The following FOXN3 variants were observed in gnomAD, a reference collection of about 807,000 sequenced individuals.
The protein encoded by FOXN3 is forkhead box protein N3.
FOXN3 carries 7 observed loss-of-function variants against 38.4 expected under a neutral mutation model. That is an observed-to-expected ratio of 0.18 (90% CI 0.10 to 0.34). FOXN3 has a LOEUF of 0.34. Ranked by LOEUF, FOXN3 falls within the 10% of genes least tolerant of loss-of-function variation. FOXN3 has a pLI of 1.00. For synonymous variants in FOXN3, 230 were observed against 242.2 expected, an observed-to-expected ratio of 0.95 and a Z score of 0.47; for missense variants, 456 against 613.4, an observed-to-expected ratio of 0.74 and a Z score of 2.71.
intron 4 of FOXN3, among the ~76,000 whole-genome samples, chr14:89,266,520 ACAGT>A (rs1885985438): frequency 6.6e-6 from 1 of 152,096 alleles, no homozygotes; most frequent in Non-Finnish European, 1.5e-5. Flanking sequence ...TCAGTCCATA[ACAGT>A]AAGTTACATG....
intron 1 of FOXN3, among the ~76,000 whole-genome samples, chr14:89,441,534 C>T (rs750974912): frequency 2.0e-4 from 31 of 152,158 alleles, no homozygotes; most frequent in African/African-American, 3.9e-4. Context: ...TCATTACAGG[C>T]GCTCTTAATC....
intron 1 of FOXN3, among the ~76,000 whole-genome samples, chr14:89,439,120 A>G (rs1227203337): frequency 6.6e-6 from 1 of 152,136 alleles, no homozygotes; most frequent in African/African-American, 2.4e-5. Flanking sequence ...CAGGCCACAC[A>G]AAGCCTGCAT....
At chr14:89,369,262 C>G (rs1007572068) in intron 2 of FOXN3, among the ~76,000 whole-genome samples, 54 of 152,284 alleles carry the variant, frequency 3.5e-4, no homozygotes, top group African/African-American at 1.3e-3. Flanking sequence ...GCTGAGTCAC[C>G]TGGCCTAAGT....
intron 1 of FOXN3, among the ~76,000 whole-genome samples, chr14:89,582,487 C>CTTTTT (rs57273137): frequency 1.2e-5 from 1 of 86,750 alleles, no homozygotes; most frequent in Non-Finnish European, 2.5e-5. Flanking sequence ...TTAAACTCAC[C>CTTTTT]TTTTTTTTTT....
At chr14:89,567,872 G>A (rs370279319) in intron 1 of FOXN3, among the ~76,000 whole-genome samples, 3 of 151,952 alleles carry the variant, frequency 2.0e-5, no homozygotes, top group African/African-American at 7.2e-5. Flanking sequence ...ACAGGTGCCC[G>A]CCACTACGCC....
At chr14:89,609,038 C>T (rs893224338) in intron 1 of FOXN3, among the ~76,000 whole-genome samples, 1 of 152,064 alleles carries the variant, frequency 6.6e-6, no homozygotes, top group Non-Finnish European at 1.5e-5. Context: ...ACAAGATGTA[C>T]AAAGGCTGGG....
intron 4 of FOXN3, among the ~76,000 whole-genome samples, chr14:89,191,227 C>T (rs1235025438): frequency 6.6e-6 from 1 of 152,210 alleles, no homozygotes; most frequent in Non-Finnish European, 1.5e-5. Flanking sequence ...CTCTGAGAAA[C>T]AGCAGCTCTG....
chr14:89,208,364 G>C (rs1045382008), intron 4 of FOXN3, among the ~76,000 whole-genome samples: 2 of 152,168 alleles, frequency 1.3e-5, no homozygotes, highest in African/African-American at 4.8e-5. Context: ...TCACTGAGTA[G>C]CATTTTACTT....
At chr14:89,335,089 A>T (rs953909777) in intron 3 of FOXN3, among the ~76,000 whole-genome samples, 5 of 34,634 alleles carry the variant, frequency 1.4e-4, no homozygotes, top group African/African-American at 3.2e-4. Flanking sequence ...ACACACACAC[A>T]CACACACACA....
At chr14:89,473,447 T>C (rs1893149431) in intron 1 of FOXN3, among the ~76,000 whole-genome samples, 1 of 151,098 alleles carries the variant, frequency 6.6e-6, no homozygotes, top group Non-Finnish European at 1.5e-5. Context: ...CACTGCAGCC[T>C]CGAACTTCTG....
At chr14:89,336,006 C>A (rs994377004) in intron 3 of FOXN3, among the ~76,000 whole-genome samples, 6 of 152,012 alleles carry the variant, frequency 3.9e-5, no homozygotes, top group African/African-American at 1.4e-4. Context: ...GGCAAGAAAG[C>A]TTTATAATAT....
chr14:89,212,327 C>T (rs1884122379), intron 4 of FOXN3, among the ~76,000 whole-genome samples: 1 of 152,220 alleles, frequency 6.6e-6, no homozygotes, highest in Non-Finnish European at 1.5e-5. Context: ...TGGGAAGCTA[C>T]AGTCTTCATC....
At chr14:89,518,138 T>C (rs10131830) in intron 1 of FOXN3, among the ~76,000 whole-genome samples, 19,817 of 152,202 alleles carry the variant, frequency 0.13, 2,042 homozygotes, top group African/African-American at 0.29. Flanking sequence ...CTCCCTGTCA[T>C]GCTGCTGAGC....
intron 2 of FOXN3, among the ~76,000 whole-genome samples, chr14:89,395,643 T>G (rs1251559949): frequency 6.6e-6 from 1 of 152,144 alleles, no homozygotes; most frequent in Non-Finnish European, 1.5e-5. Flanking sequence ...ATGCCTAGCA[T>G]AAGCCTGTTT....
chr14:89,343,953 G>T (rs991361668), intron 3 of FOXN3, among the ~76,000 whole-genome samples: 7 of 151,976 alleles, frequency 4.6e-5, no homozygotes, highest in African/African-American at 1.5e-4. Context: ...GTAGAGATGG[G>T]GTTTCACCAC....
At chr14:89,268,483 C>T (rs540312514) in intron 4 of FOXN3, among the ~76,000 whole-genome samples, 46 of 152,252 alleles carry the variant, frequency 3.0e-4, no homozygotes, top group Admixed American at 2.4e-3. Context: ...TCATGACTCT[C>T]GACTGTACAT....
intron 3 of FOXN3, among the ~76,000 whole-genome samples, chr14:89,283,612 G>A (rs1024848014): frequency 3.3e-5 from 5 of 152,162 alleles, no homozygotes; most frequent in African/African-American, 7.2e-5. Flanking sequence ...GCTCAAAAGC[G>A]GGGAGGGTGG....
In FOXN3 at chr14:89,359,663, TGA is replaced by T. The variant is rs147774171; in HGVS notation, c.544-8857_544-8856del. Reference sequence around the variant, plus strand: ...CTTTGAGTCATGTCTTCGTGCACACTGAGAGATGCTCCGGCCGGTATGGCAGT... The same window carrying T: ...CTTTGAGTCATGTCTTCGTGCACACTGAGATGCTCCGGCCGGTATGGCAGT... On this transcript the variant is annotated intron_variant, in intron 2 of 5. Transcript: ENST00000557258. Among the ~76,000 whole-genome samples the T allele has an allele frequency of 9.2e-5, 14 of 152,316 alleles. No homozygotes were observed. In the East Asian group the frequency reaches 2.7e-3, roughly 29 times the overall value.
chr14:89,616,140 C>T (rs1896488231), intron 1 of FOXN3, among the ~76,000 whole-genome samples: 1 of 151,976 alleles, frequency 6.6e-6, no homozygotes, highest in Non-Finnish European at 1.5e-5. Context: ...CGATGTTGAT[C>T]CTCAAAGTCA....
Sources: gnomAD v4.1 joint callset for allele counts (sites outside exome capture counted in the v4.1 genomes callset) on GRCh38, gnomAD v4.1.1 for gene constraint, MANE v1.5 for transcripts, NCBI Gene and HGNC (gene_info 2026-07-23, HGNC 2026-07-21) for gene names.